Variants in CSRP2 observed in about 807,000 individuals in gnomAD.
CSRP2 encodes cysteine and glycine rich protein 2, also known as cysteine and glycine-rich protein 2.
A neutral mutation model predicts 24.6 loss-of-function variants in CSRP2; 18 were observed. That is an observed-to-expected ratio of 0.73 (90% CI 0.51 to 1.09). The LOEUF (loss-of-function observed/expected upper bound fraction) is 1.09, where lower values mean the gene tolerates loss of function less well. Among genes scored for constraint, CSRP2 ranks in the 50% least tolerant of loss-of-function variants. The probability of loss-of-function intolerance (pLI) is 0.00; values close to 1 mark genes in which losing one functional copy is unlikely to be tolerated. For missense variants in CSRP2, 215 were observed against 239.4 expected (o/e 0.90, Z 0.67); for synonymous variants, 87 against 84.3 (o/e 1.03, Z -0.18).
intron 1 of CSRP2, among the ~76,000 whole-genome samples, chr12:76,876,892 T>C (rs1434481839): frequency 6.6e-6 from 1 of 152,254 alleles, no homozygotes. Flanking sequence ...GGCTGGGCTT[T>C]GTACAAGTAT....
intron 1 of CSRP2, among the ~76,000 whole-genome samples, chr12:76,873,837 C>T (rs1016843551): frequency 1.3e-5 from 2 of 152,200 alleles, no homozygotes; most frequent in Non-Finnish European, 2.9e-5. Context: ...GCCTTACCTC[C>T]GTTCCATCCA....
intron 1 of CSRP2, among the ~76,000 whole-genome samples, chr12:76,875,981 T>A (rs1054990193): frequency 2.0e-5 from 3 of 152,190 alleles, no homozygotes; most frequent in Non-Finnish European, 1.5e-5. Context: ...TCAAAATTAT[T>A]TCACTGATGT....
In CSRP2 at chr12:76,863,230, C is replaced by G. The variant is rs767021278; in HGVS notation, c.227G>C (p.Gly76Ala). ...ACGGTCCATGTTAAGCGTGCCAGCG[C>G]CCTGGCCATAACCGTAGCCTTTTGG... ...YGPKGYGYGQ[G>A]AGTLNMDRGE... Residue 76 changes from glycine (G) to alanine (A), a missense_variant, in exon 3 of 6, where the codon GGC (glycine) becomes GCC (alanine). Coordinates refer to ENST00000311083, the MANE Select transcript of CSRP2 (RefSeq NM_001321.3). 1.9e-6 allele frequency: 3 copies of G among 1,614,116 alleles called. No individual in the cohort carries two copies. In the African/African-American group the frequency reaches 4.0e-5, roughly 22 times the overall value.
At chr12:76,874,165 GCAGATC>G (rs1953829479) in intron 1 of CSRP2, among the ~76,000 whole-genome samples, 1 of 152,192 alleles carries the variant, frequency 6.6e-6, no homozygotes, top group Non-Finnish European at 1.5e-5. Flanking sequence ...GTTTCATCTT[GCAGATC>G]CACTGAGAGT....
chr12:76,862,032 T>A (rs1018022814), intron 3 of CSRP2: 2 of 152,316 alleles, frequency 1.3e-5, no homozygotes, highest in Non-Finnish European at 2.9e-5. Context: ...TCATCTGTTC[T>A]GAAGAAAGAG....
intron 1 of CSRP2, among the ~76,000 whole-genome samples, chr12:76,867,332 TAAAAAAAAAAAAAAA>T (rs33997080): frequency 2.0e-5 from 2 of 100,160 alleles, no homozygotes; most frequent in South Asian, 3.5e-4. Context: ...CTGCTAAATT[TAAAAAAAAAAAAAAA>T]AAAAAAAAAA....
At chr12:76,859,149 T>A in intron 5 of CSRP2, 121 bp from the exon 6 acceptor site, 1 of 746,968 alleles carries the variant, frequency 1.3e-6, no homozygotes, top group Non-Finnish European at 2.3e-6. Flanking sequence ...CTCAACTTAT[T>A]TAAGATGTTA....
chr12:76,865,924 G>T, intron 2 of CSRP2: 1 of 545,474 alleles, frequency 1.8e-6, no homozygotes, highest in Non-Finnish European at 3.3e-6. Flanking sequence ...GGCCAAAATG[G>T]AGGCCAAAAG....
chr12:76,872,646 T>G (rs1367031931), intron 1 of CSRP2, among the ~76,000 whole-genome samples: 1 of 152,208 alleles, frequency 6.6e-6, no homozygotes, highest in Non-Finnish European at 1.5e-5. Flanking sequence ...GTGAATGACA[T>G]GCCTGGTCAA....
chr12:76,875,225 A>G (rs1953842015), intron 1 of CSRP2, among the ~76,000 whole-genome samples: 2 of 152,202 alleles, frequency 1.3e-5, no homozygotes, highest in African/African-American at 4.8e-5. Flanking sequence ...CCAAACTGCT[A>G]CTTTCAACCA....
At chr12:76,867,436 G>C (rs1188567103) in intron 1 of CSRP2, among the ~76,000 whole-genome samples, 4 of 151,812 alleles carry the variant, frequency 2.6e-5, no homozygotes, top group African/African-American at 9.7e-5. Flanking sequence ...CTTGAACCAG[G>C]AAGCGGAGGT....
At chr12:76,866,405 AAAATAACCTCATCTC>A (rs1181811343) in intron 1 of CSRP2, 144 bp from the exon 2 acceptor site, 1 of 586,864 alleles carries the variant, frequency 1.7e-6, no homozygotes, top group East Asian at 2.9e-5. Flanking sequence ...GCGTTCCTCC[AAAATAACCTCATCTC>A]CTCTCCCAAA....
rs1190018486 is a variant in CSRP2 at position 76,863,267 on chromosome 12, T to G, written c.190A>C (p.Lys64Gln). The G allele has an allele frequency of 1.2e-6, 2 of 1,614,122 alleles. No individual in the cohort carries two copies. The highest frequency in any genetic ancestry group is 1.7e-6 in the Non-Finnish European group (2 of 1,180,048). The change falls in exon 3 of 6, where the codon AAG (lysine) becomes CAG (glutamine). Residue 64 changes from lysine (K) to glutamine (Q), a missense_variant. Lys to Gln is a moderately conservative substitution (Grantham distance 53). Coordinates refer to ENST00000311083, the MANE Select transcript of CSRP2 (RefSeq NM_001321.3). Reference protein sequence around the residue: ...EEIYCKSCYGKKYGPKGYGYG... With the variant: ...EEIYCKSCYGQKYGPKGYGYG... ...CCGTAGCCTTTTGGCCCATACTTCTTTCCGTAGCAGGATTTGCAGTAGATC... is the reference window on the plus strand; with the variant it reads ...CCGTAGCCTTTTGGCCCATACTTCTGTCCGTAGCAGGATTTGCAGTAGATC...
rs980686297 is a variant in CSRP2 at position 76,868,937 on chromosome 12, G to GAAAAA, written c.-1-2681_-1-2677dup. Among the ~76,000 whole-genome samples, 506 of 61,180 alleles carry GAAAAA rather than the reference G, an allele frequency of 8.3e-3. 3 individuals are homozygous for GAAAAA. The highest frequency in any genetic ancestry group is 0.026 in the African/African-American group (479 of 18,238). The allele number at this position is 61,180 out of a possible 152,430, so 40.1% of individuals were successfully genotyped here. On this transcript the variant is annotated intron_variant, in intron 1 of 5. Coordinates refer to ENST00000311083, the MANE Select transcript of CSRP2 (RefSeq NM_001321.3). Reference sequence around the variant, plus strand: ...GACAGAGCGAGACTCCGCCTCAAAAGAAAAAAAAAAAAAAAAAAGAAAAGC... The same window carrying GAAAAA: ...GACAGAGCGAGACTCCGCCTCAAAAGAAAAAAAAAAAAAAAAAAAAAAAGAAAAGC...
At chr12:76,859,766 C>T in intron 4 of CSRP2, 126 bp from the exon 5 acceptor site, 1 of 661,724 alleles carries the variant, frequency 1.5e-6, no homozygotes, top group South Asian at 2.1e-5. Flanking sequence ...TGGTTCAGCT[C>T]CAATGAGAAG....
At chr12:76,870,760 C>G (rs1280271851) in intron 1 of CSRP2, among the ~76,000 whole-genome samples, 1 of 150,962 alleles carries the variant, frequency 6.6e-6, no homozygotes, top group Non-Finnish European at 1.5e-5. Context: ...AATCCCAACA[C>G]TTTGGAATTT....
At position 76,871,048 on chromosome 12, in the gene CSRP2, T is replaced by A. The variant is rs182574282; in HGVS notation, c.-1-4787A>T. On this transcript the variant is annotated intron_variant, in intron 1 of 5. Transcript: ENST00000311083. ...TCCTTATATTGTTCTCTACTTTGTA[T>A]GTCTGAACTATTTCATAATGGAAGG... Among the ~76,000 whole-genome samples, 12 of 151,804 alleles carry A rather than the reference T, an allele frequency of 7.9e-5. No individual in the cohort carries two copies. The East Asian group carries it at 2.3e-3, about 29-fold the overall frequency.
chr12:76,863,313 T>C lies in CSRP2; in HGVS notation c.144A>G (p.Thr48=), dbSNP rs760033624. ...MVCRKNLDST[T]VAIHDEEIYC... Reference sequence around the variant, plus strand: ...AGATCTCTTCATCGTGAATTGCCACTGTTGTGCTATCTAAATTTTTCCTGC... The same window carrying C: ...AGATCTCTTCATCGTGAATTGCCACCGTTGTGCTATCTAAATTTTTCCTGC... The change falls in exon 3 of 6, where the codon ACA becomes ACG. Residue 48 remains threonine, a synonymous_variant. Coordinates refer to ENST00000311083, the MANE Select transcript of CSRP2 (RefSeq NM_001321.3). 1.2e-6 allele frequency: 2 copies of C among 1,614,220 alleles called. No individual in the cohort carries two copies. Among genetic ancestry groups the C allele is most frequent in the Admixed American group, 1.7e-5 (1 of 60,022 alleles).
In CSRP2 at chr12:76,869,573, CACA is replaced by C. The variant is rs1565826505; in HGVS notation, c.-1-3315_-1-3313del. On this transcript the variant is annotated intron_variant, in intron 1 of 5. Coordinates refer to ENST00000311083, the MANE Select transcript of CSRP2 (RefSeq NM_001321.3). ...ACACACACACACACACACACACACA[CACA>C]CACCCCTGACTGGTATGGCTTGTTA... 6.6e-3 allele frequency among the ~76,000 whole-genome samples: 966 copies of C among 146,954 alleles called. 17 individuals are homozygous for C. Among genetic ancestry groups the C allele is most frequent in the African/African-American group, 0.024 (934 of 38,788 alleles).
Sources: allele counts gnomAD v4.1 joint callset (sites outside exome capture counted in the v4.1 genomes callset), GRCh38; gene constraint gnomAD v4.1.1; transcripts MANE v1.5; gene names NCBI Gene and HGNC (gene_info 2026-07-23, HGNC 2026-07-21).